EIF4G3: variants seen among roughly 807,000 people sequenced by gnomAD.
The protein encoded by EIF4G3 is eIF-4-gamma 3.
A neutral mutation model predicts 186.4 loss-of-function variants in EIF4G3; 34 were observed. That is an observed-to-expected ratio of 0.18 (90% CI 0.14 to 0.24). The LOEUF is 0.24. Ranked by LOEUF, EIF4G3 falls within the 10% of genes least tolerant of loss-of-function variation. EIF4G3 has a pLI of 1.00. For missense variants in EIF4G3, 1,536 were observed against 1,948.5 expected (o/e 0.79, Z 3.99); for synonymous variants, 673 against 679.5 (o/e 0.99, Z 0.15).
chr1:21,088,319 C>A (rs1039404647), intron 3 of EIF4G3, among the ~76,000 whole-genome samples: 1 of 151,890 alleles, frequency 6.6e-6, no homozygotes, highest in Non-Finnish European at 1.5e-5. Context: ...ACTTGGGAGG[C>A]TGAGGCAGTA....
chr1:21,050,719 C>A, intron 4 of EIF4G3, 147 bp downstream of exon 4: 1 of 542,686 alleles, frequency 1.8e-6, no homozygotes, highest in African/African-American at 2.0e-5. Flanking sequence ...TCTTTATGAA[C>A]GGTTAAGTCT....
At chr1:20,887,603 C>T (rs555103431) in intron 18 of EIF4G3, among the ~76,000 whole-genome samples, 31 of 151,126 alleles carry the variant, frequency 2.1e-4, no homozygotes, top group Middle Eastern at 3.4e-3. Context: ...CAAATGCATC[C>T]AGCTAAGGAT....
chr1:20,882,078 G>A (rs755635715), intron 19 of EIF4G3, among the ~76,000 whole-genome samples: 2 of 151,832 alleles, frequency 1.3e-5, no homozygotes, highest in South Asian at 2.1e-4. Context: ...CAGGAAGATC[G>A]CTTGAGCCTG....
intron 33 of EIF4G3, among the ~76,000 whole-genome samples, chr1:20,820,006 AC>A (rs1239287462): frequency 2.4e-4 from 37 of 152,232 alleles, no homozygotes; most frequent in Non-Finnish European, 5.9e-5. Context: ...GGGGCCGTAC[AC>A]TGCATGGAGC....
chr1:20,911,607 T>C lies in EIF4G3; in HGVS notation c.1664-6636A>G, dbSNP rs546303275. On this transcript the variant is annotated intron_variant, in intron 14 of 36. Coordinates refer to ENST00000602326, the MANE Select transcript of EIF4G3 (RefSeq NM_001391906.1). Reference sequence around the variant, plus strand: ...AAAAAAAGAATGTAAAAGCGCTAACTACATAAGACAGGTAAATCTTTAATC... The same window carrying C: ...AAAAAAAGAATGTAAAAGCGCTAACCACATAAGACAGGTAAATCTTTAATC... Among the ~76,000 whole-genome samples, 257 of 135,318 alleles carry C rather than the reference T, an allele frequency of 1.9e-3. 1 individual carries two copies. The highest frequency in any genetic ancestry group is 6.6e-3 in the African/African-American group (243 of 36,970). The allele number at this position is 135,318 out of a possible 152,430, so 88.8% of individuals were successfully genotyped here. A position where few individuals can be genotyped will look rare whatever the true frequency, so the allele number is the denominator to read the frequency against.
chr1:20,986,744 C>CAAAAACA (rs2079592395), intron 7 of EIF4G3, among the ~76,000 whole-genome samples: 3 of 66,304 alleles, frequency 4.5e-5, no homozygotes, highest in Non-Finnish European at 7.5e-5. Flanking sequence ...GCTCTGTCTC[C>CAAAAACA]AAAAAAAAAA....
chr1:20,957,582 C>A (rs1397505517), intron 12 of EIF4G3, among the ~76,000 whole-genome samples: 2 of 141,728 alleles, frequency 1.4e-5, no homozygotes, highest in African/African-American at 5.2e-5. Context: ...TTCAAACAAA[C>A]AAACAAAAAA....
intron 10 of EIF4G3, among the ~76,000 whole-genome samples, chr1:20,978,679 A>C (rs1185196858): frequency 2.0e-5 from 1 of 48,894 alleles, no homozygotes; most frequent in Non-Finnish European, 5.8e-5. Flanking sequence ...TATCAGATCA[A>C]AAAAAAAAAA....
At chr1:20,842,502 G>A (rs565108906) in intron 29 of EIF4G3, among the ~76,000 whole-genome samples, 273 of 152,208 alleles carry the variant, frequency 1.8e-3, no homozygotes, top group African/African-American at 6.2e-3. Context: ...CAAGTAGCTG[G>A]GATTATAGGC....
chr1:20,817,397 C>T lies in EIF4G3; in HGVS notation c.4510G>A (p.Val1504Ile), dbSNP rs890463663. 7 of 1,590,512 alleles carry T rather than the reference C, an allele frequency of 4.4e-6. No individual in the cohort carries two copies. Among genetic ancestry groups the T allele is most frequent in the South Asian group, 1.2e-5 (1 of 86,598 alleles). Residue 1504 changes from valine to isoleucine, a missense_variant, in exon 34 of 37, where the codon GTA (valine) becomes ATA (isoleucine). Transcript: ENST00000602326. ...AGGTGACATAGTCTTTATACCTCTA[C>T]CCAGTCAAAGATCTGTTCATCATTC... ...KANDEQIFDW[V>I]EANLDEIQMS...
At chr1:21,018,803 C>A (rs988996207) in intron 4 of EIF4G3, among the ~76,000 whole-genome samples, 2 of 152,078 alleles carry the variant, frequency 1.3e-5, no homozygotes, top group African/African-American at 4.8e-5. Context: ...GATCTCTGAA[C>A]ACACCTCCCC....
At chr1:20,865,074 G>T (rs1415276753) in intron 21 of EIF4G3, 42 bp downstream of exon 21, 3 of 1,610,476 alleles carry the variant, frequency 1.9e-6, no homozygotes, top group Non-Finnish European at 2.5e-6. Context: ...ACTTTACAGT[G>T]CTCAAAGTGT....
chr1:20,951,867 C>T (rs994628786), intron 12 of EIF4G3, among the ~76,000 whole-genome samples: 5 of 152,020 alleles, frequency 3.3e-5, no homozygotes, highest in African/African-American at 1.2e-4. Context: ...ATCTAAAATA[C>T]CTTCAATCAT....
rs1223855494 is a variant in EIF4G3, at chr1:20,810,440, C to T, written c.4744+298G>A. On this transcript the variant is annotated intron_variant, in intron 36 of 36. Transcript: ENST00000602326. The surrounding 1 kb of genome is among the most constrained non-coding windows in gnomAD (Gnocchi z 4.1). ...AAGTGCTGGGATTACAGGTGTGAGC[C>T]ACCGTGCTCAGCCATTTCTGTATTT... Among the ~76,000 whole-genome samples, 4 of 152,164 alleles carry T rather than the reference C, an allele frequency of 2.6e-5. No homozygotes were observed. The highest frequency in any genetic ancestry group is 6.5e-5 in the Admixed American group (1 of 15,270).
chr1:20,878,485 C>G (rs190103181), intron 20 of EIF4G3, among the ~76,000 whole-genome samples: 1 of 152,190 alleles, frequency 6.6e-6, no homozygotes, highest in East Asian at 1.9e-4. Context: ...ATTTTGAATT[C>G]CTTTAAGACA....
chr1:20,854,574 G>A (rs1325101702), intron 26 of EIF4G3, among the ~76,000 whole-genome samples: 1 of 150,792 alleles, frequency 6.6e-6, no homozygotes, highest in Non-Finnish European at 1.5e-5. Context: ...GTGTGATGGC[G>A]TGCACCTGTA....
At chr1:21,154,538 C>T (rs991006669) in intron 2 of EIF4G3, among the ~76,000 whole-genome samples, 3 of 152,086 alleles carry the variant, frequency 2.0e-5, no homozygotes, top group African/African-American at 7.2e-5. Flanking sequence ...AAGTAGCCTC[C>T]GCTCCAAATA....
chr1:20,908,326 T>G (rs1558182215), intron 14 of EIF4G3, among the ~76,000 whole-genome samples: 1 of 152,228 alleles, frequency 6.6e-6, no homozygotes, highest in Non-Finnish European at 1.5e-5. Context: ...TTTTGCAAAT[T>G]TTTATGCTAT....
At chr1:21,023,297 C>G (rs1167436627) in intron 4 of EIF4G3, among the ~76,000 whole-genome samples, 1 of 141,284 alleles carries the variant, frequency 7.1e-6, no homozygotes, top group East Asian at 2.2e-4. Flanking sequence ...CCCTCTCTTT[C>G]CACGTCTCCC....
Sources: gnomAD v4.1 joint callset for allele counts (sites outside exome capture counted in the v4.1 genomes callset) on GRCh38, gnomAD v4.1.1 for gene constraint, Gnocchi (gnomAD v3.1) non-coding constraint, MANE v1.5 for transcripts, NCBI Gene and HGNC (gene_info 2026-07-23, HGNC 2026-07-21) for gene names.